Variants in TENM2 observed in about 807,000 individuals in gnomAD.
TENM2 encodes teneurin-2.
TENM2 carries 52 observed loss-of-function variants against 245.2 expected under a neutral mutation model. The observed-to-expected ratio is 0.21, with a 90% CI of 0.17 to 0.27. The LOEUF (loss-of-function observed/expected upper bound fraction) is 0.27. TENM2 is among the 10% of genes least tolerant of loss of function. The pLI is 1.00. For missense variants in TENM2, 3,046 were observed against 3,666.8 expected (o/e 0.83, Z 4.37); for synonymous variants, 1,363 against 1,438.9 (o/e 0.95, Z 1.19).
At chr5:167,947,780 G>T (rs765589128) in intron 3 of TENM2, among the ~76,000 whole-genome samples, 4 of 152,164 alleles carry the variant, frequency 2.6e-5, no homozygotes, top group African/African-American at 9.7e-5. Flanking sequence ...GAGGGTCTGA[G>T]GGAGTTGAAA....
At chr5:168,258,848 A>G (rs1001592705) in intron 27 of TENM2, among the ~76,000 whole-genome samples, 1 of 152,194 alleles carries the variant, frequency 6.6e-6, no homozygotes, top group Admixed American at 6.5e-5. Flanking sequence ...TGCACTTTCA[A>G]ATGGTGAATT....
intron 2 of TENM2, among the ~76,000 whole-genome samples, chr5:167,701,560 T>A (rs1993613): frequency 3.9e-5 from 6 of 152,204 alleles, no homozygotes; most frequent in African/African-American, 1.4e-4. Flanking sequence ...TGCTTCTCAC[T>A]AACTGCATGT....
chr5:167,116,710 G>C, the TENM2 span: 1 of 150,124 alleles, frequency 6.7e-6, no homozygotes, highest in Non-Finnish European at 1.5e-5. Context: ...AAAAAAAAAA[G>C]TGCTTTGGGA....
chr5:167,399,459 C>A (rs879045616), intron 2 of TENM2, among the ~76,000 whole-genome samples: 1 of 152,196 alleles, frequency 6.6e-6, no homozygotes, highest in South Asian at 2.1e-4. Context: ...TATTGAATAT[C>A]TACTACATGC....
At chr5:167,000,971 T>A in the TENM2 span, among the ~76,000 whole-genome samples, 1 of 152,152 alleles carries the variant, frequency 6.6e-6, no homozygotes, top group Non-Finnish European at 1.5e-5. Context: ...TTGTTGTTTC[T>A]AGGATTTTTA....
intron 2 of TENM2, among the ~76,000 whole-genome samples, chr5:167,630,166 CTT>C (rs1265859163): frequency 6.7e-6 from 1 of 150,182 alleles, no homozygotes; most frequent in Non-Finnish European, 1.5e-5. Context: ...AAGTGGAGCA[CTT>C]TTACTTTTTT....
At chr5:167,820,390 A>T (rs1011615660) in intron 2 of TENM2, among the ~76,000 whole-genome samples, 2 of 152,170 alleles carry the variant, frequency 1.3e-5, no homozygotes, top group Non-Finnish European at 2.9e-5. Context: ...AGGAATGCTG[A>T]TGGAGAAAAA....
intron 4 of TENM2, among the ~76,000 whole-genome samples, chr5:167,967,579 T>G (rs1426609365): frequency 6.6e-6 from 1 of 152,124 alleles, no homozygotes; most frequent in East Asian, 1.9e-4. Flanking sequence ...ATTGAACTTC[T>G]TATTGCAGGG....
chr5:167,876,113 G>A, exon 3 of TENM2: 1 of 1,551,416 alleles, frequency 6.4e-7, no homozygotes, highest in East Asian at 2.4e-5. Context: ...ATCAAATCAT[G>A]GACACCAACC....
chr5:168,147,529 A>G (rs946615796), intron 12 of TENM2, among the ~76,000 whole-genome samples: 1 of 152,224 alleles, frequency 6.6e-6, no homozygotes, highest in Non-Finnish European at 1.5e-5. Flanking sequence ...AGAAACCAAA[A>G]TGATTCCAAT....
chr5:167,640,881 A>ATATATC (rs1561628984), intron 2 of TENM2, among the ~76,000 whole-genome samples: 4 of 63,858 alleles, frequency 6.3e-5, no homozygotes, highest in Non-Finnish European at 1.1e-4. Flanking sequence ...ATATATATAT[A>ATATATC]TATATATATA....
intron 2 of TENM2, among the ~76,000 whole-genome samples, chr5:167,378,092 T>A (rs1760873619): frequency 6.6e-6 from 1 of 152,076 alleles, no homozygotes; most frequent in African/African-American, 2.4e-5. Context: ...ATAAATGGAT[T>A]TTTCACCGTG....
intron 7 of TENM2, among the ~76,000 whole-genome samples, chr5:168,072,112 C>G (rs188877834): frequency 6.6e-6 from 1 of 152,306 alleles, no homozygotes; most frequent in African/African-American, 2.4e-5. Context: ...ATTGGGCCCT[C>G]CTATTGATCT....
Position 168,179,854 on chromosome 5 carries a change from G to A in TENM2, c.2570-10483G>A, listed in dbSNP as rs148679993. Among the ~76,000 whole-genome samples, 603 of 152,304 alleles carry A rather than the reference G, an allele frequency of 4.0e-3. 3 individuals carry two copies. The highest frequency in any genetic ancestry group is 5.4e-3 in the Non-Finnish European group (366 of 68,028). On this transcript the variant is annotated intron_variant, in intron 13 of 28. Transcript: ENST00000518659. ...GCATGCGTTTAAAGTACCTAACCCA[G>A]TGCCAGGCACCCAGGAAGCTCCTCC...
At chr5:167,117,027 G>A in the TENM2 span, among the ~76,000 whole-genome samples, 1 of 152,216 alleles carries the variant, frequency 6.6e-6, no homozygotes, top group Non-Finnish European at 1.5e-5. Context: ...CCAGAAATTT[G>A]ATTTAAAGAT....
chr5:168,019,992 G>T (rs908938027), intron 5 of TENM2, among the ~76,000 whole-genome samples: 1 of 152,226 alleles, frequency 6.6e-6, no homozygotes, highest in African/African-American at 2.4e-5. Flanking sequence ...TTAGAGCAGG[G>T]AATGGATTTC....
chr5:168,229,134 C>CT (rs1764582781), intron 25 of TENM2, among the ~76,000 whole-genome samples: 1 of 147,802 alleles, frequency 6.8e-6, no homozygotes, highest in Non-Finnish European at 1.5e-5. Flanking sequence ...ATTATTTTAA[C>CT]TTTTTCAATA....
chr5:168,126,026 C>A (rs565520518), intron 11 of TENM2, among the ~76,000 whole-genome samples: 26 of 152,222 alleles, frequency 1.7e-4, no homozygotes, highest in Non-Finnish European at 3.2e-4. Context: ...ATGTCTGGCA[C>A]GTGCTTGTCC....
chr5:167,873,523 G>C (rs73803255), intron 2 of TENM2, among the ~76,000 whole-genome samples: 89 of 152,224 alleles, frequency 5.8e-4, no homozygotes, highest in African/African-American at 2.0e-3. Context: ...TATGAAATGG[G>C]AATGTGTTAT....
Sources: allele counts gnomAD v4.1 joint callset (sites outside exome capture counted in the v4.1 genomes callset), GRCh38; gene constraint gnomAD v4.1.1; transcripts MANE v1.5; gene names NCBI Gene and HGNC (gene_info 2026-07-23, HGNC 2026-07-21).